Variants in KCNIP4 observed in about 807,000 individuals in gnomAD.
KCNIP4 encodes Kv channel-interacting protein 4.
KCNIP4 carries 12 observed loss-of-function variants against 34.0 expected under a neutral mutation model. The observed-to-expected ratio is 0.35, with a 90% CI of 0.23 to 0.57. The LOEUF (loss-of-function observed/expected upper bound fraction) is 0.57. KCNIP4 is among the 20% of genes least tolerant of loss of function. The pLI, the probability that KCNIP4 is intolerant of heterozygous loss-of-function variation, is 0.83. For missense variants in KCNIP4, 238 were observed against 311.7 expected, an observed-to-expected ratio of 0.76 and a Z score of 1.78; for synonymous variants, 124 against 102.2, an observed-to-expected ratio of 1.21 and a Z score of -1.29.
chr4:21,366,980 C>G (rs145164689), intron 1 of KCNIP4, among the ~76,000 whole-genome samples: 1 of 152,080 alleles, frequency 6.6e-6, no homozygotes, highest in African/African-American at 2.4e-5. Context: ...AGGACAGAGC[C>G]TCATGAGATC....
At chr4:20,869,242 A>C (rs911978127) in intron 2 of KCNIP4, among the ~76,000 whole-genome samples, 1 of 152,064 alleles carries the variant, frequency 6.6e-6, no homozygotes, top group Non-Finnish European at 1.5e-5. Context: ...TATGTTTAAA[A>C]AAGCTATTAG....
intron 1 of KCNIP4, among the ~76,000 whole-genome samples, chr4:21,056,468 T>C (rs1743413178): frequency 6.6e-6 from 1 of 152,158 alleles, no homozygotes; most frequent in African/African-American, 2.4e-5. Context: ...ATTTGTCCAC[T>C]GGGTATTCTT....
chr4:21,579,760 T>G (rs112062758), intron 1 of KCNIP4, among the ~76,000 whole-genome samples: 8,631 of 152,270 alleles, frequency 0.057, 347 homozygotes, highest in Non-Finnish European at 0.088. Context: ...GGTTTTATTC[T>G]CCATAAATTG....
At chr4:21,853,157 T>TA (rs1724514776) in intron 1 of KCNIP4, 1 of 152,170 alleles carries the variant, frequency 6.6e-6, no homozygotes, top group Non-Finnish European at 1.5e-5. Context: ...GCCTAATTTG[T>TA]AAAACTGTTC....
chr4:21,140,418 C>T (rs1025336003), intron 1 of KCNIP4, among the ~76,000 whole-genome samples: 7 of 152,078 alleles, frequency 4.6e-5, no homozygotes, highest in African/African-American at 1.7e-4. Flanking sequence ...AAGCCCATTC[C>T]CTTTCCTCTG....
chr4:20,854,526 A>G (rs1407782477), intron 2 of KCNIP4, among the ~76,000 whole-genome samples: 1 of 152,144 alleles, frequency 6.6e-6, no homozygotes, highest in Non-Finnish European at 1.5e-5. Context: ...AAAAGACTAC[A>G]AATATTGTGC....
At chr4:21,100,466 T>A (rs1174488259) in intron 1 of KCNIP4, among the ~76,000 whole-genome samples, 1 of 152,116 alleles carries the variant, frequency 6.6e-6, no homozygotes, top group Non-Finnish European at 1.5e-5. Context: ...GGTGGGAGAA[T>A]CACTTGAACC....
intron 2 of KCNIP4, among the ~76,000 whole-genome samples, chr4:20,882,010 T>C (rs1172770939): frequency 3.3e-5 from 5 of 152,214 alleles, no homozygotes; most frequent in African/African-American, 4.8e-5. Context: ...TTTACATATA[T>C]GCATATGTAC....
intron 1 of KCNIP4, among the ~76,000 whole-genome samples, chr4:21,550,040 C>A (rs1738440548): frequency 6.6e-6 from 1 of 152,128 alleles, no homozygotes; most frequent in South Asian, 2.1e-4. Flanking sequence ...ATGATGGCAG[C>A]CTTCCATCTT....
chr4:21,385,287 A>G (rs1402913688), intron 1 of KCNIP4, among the ~76,000 whole-genome samples: 1 of 152,192 alleles, frequency 6.6e-6, no homozygotes, highest in Admixed American at 6.5e-5. Flanking sequence ...TGGGTGATTT[A>G]AGTAGGAGTC....
chr4:21,475,499 G>A (rs922479229), intron 1 of KCNIP4, among the ~76,000 whole-genome samples: 6 of 152,070 alleles, frequency 3.9e-5, no homozygotes, highest in East Asian at 1.9e-4. Context: ...AGCAAGTTAC[G>A]GGTCAAAATG....
chr4:21,798,426 T>TA (rs55661046), intron 1 of KCNIP4, among the ~76,000 whole-genome samples: 3 of 143,242 alleles, frequency 2.1e-5, no homozygotes, highest in Non-Finnish European at 4.6e-5. Flanking sequence ...TATATATATA[T>TA]TTGCTGGGTG....
At chr4:21,177,206 C>T (rs984459166) in intron 1 of KCNIP4, among the ~76,000 whole-genome samples, 4 of 151,920 alleles carry the variant, frequency 2.6e-5, no homozygotes, top group Admixed American at 6.6e-5. Context: ...AAATCTGGCC[C>T]GTGGAGAATA....
At chr4:20,993,007 G>A (rs1033756035) in intron 1 of KCNIP4, among the ~76,000 whole-genome samples, 9 of 116,178 alleles carry the variant, frequency 7.7e-5, no homozygotes, top group Non-Finnish European at 1.3e-4. Flanking sequence ...CAGCACAGGC[G>A]ACAGAGTGAG....
At chr4:20,852,261 C>A (rs1403549222) in intron 2 of KCNIP4, among the ~76,000 whole-genome samples, 1 of 152,054 alleles carries the variant, frequency 6.6e-6, no homozygotes, top group East Asian at 1.9e-4. Context: ...AACAACATAT[C>A]AAAAAGATAA....
intron 1 of KCNIP4, among the ~76,000 whole-genome samples, chr4:20,904,986 GT>G (rs746628330): frequency 1.3e-5 from 2 of 152,132 alleles, no homozygotes; most frequent in South Asian, 2.1e-4. Flanking sequence ...AAGAGAGACA[GT>G]TTTTTCAGCC....
chr4:21,800,921 C>T (rs1560724455), intron 1 of KCNIP4, among the ~76,000 whole-genome samples: 2 of 152,178 alleles, frequency 1.3e-5, no homozygotes, highest in South Asian at 2.1e-4. Flanking sequence ...CATTTGCCAA[C>T]GTTTCTCATG....
chr4:20,938,253 A>G (rs922942646), intron 1 of KCNIP4, among the ~76,000 whole-genome samples: 2 of 151,650 alleles, frequency 1.3e-5, no homozygotes, highest in Non-Finnish European at 2.9e-5. Context: ...TTGGTGCAGA[A>G]TCAGGAGAAG....
chr4:21,653,469 G>T (rs886718328), intron 1 of KCNIP4, among the ~76,000 whole-genome samples: 2 of 152,108 alleles, frequency 1.3e-5, no homozygotes, highest in Non-Finnish European at 2.9e-5. Flanking sequence ...AAGTAAATAT[G>T]CTCTCAATTG....
Sources: allele counts gnomAD v4.1 joint callset (sites outside exome capture counted in the v4.1 genomes callset), GRCh38; gene constraint gnomAD v4.1.1; transcripts MANE v1.5; gene names NCBI Gene and HGNC (gene_info 2026-07-23, HGNC 2026-07-21).